RNF213: variants seen among roughly 807,000 people sequenced by gnomAD.
The protein encoded by RNF213 is E3 ubiquitin-protein ligase RNF213.
Under a neutral mutation model 514.4 loss-of-function variants are expected in RNF213, and 341 were observed. That is an observed-to-expected ratio of 0.66 (90% CI 0.61 to 0.73). The LOEUF is 0.73. Among genes scored for constraint, RNF213 ranks in the 30% least tolerant of loss-of-function variants. The probability of loss-of-function intolerance (pLI) is 0.00; values close to 1 mark genes in which losing one functional copy is unlikely to be tolerated. For missense variants in RNF213, 5,767 were observed against 6,615.6 expected, an observed-to-expected ratio of 0.87 and a Z score of 4.45; for synonymous variants, 2,655 against 2,658.2, an observed-to-expected ratio of 1.00 and a Z score of 0.04.
intron 16 of RNF213, among the ~76,000 whole-genome samples, chr17:80,318,931 CTA>C (rs2046043171): frequency 6.6e-6 from 1 of 152,126 alleles, no homozygotes; most frequent in East Asian, 1.9e-4. Context: ...GAAAAATGAC[CTA>C]TGTCTCATAA....
chr17:80,315,312 ATGG>A (rs1229025842), intron 15 of RNF213, among the ~76,000 whole-genome samples: 1 of 19,100 alleles, frequency 5.2e-5, no homozygotes, highest in Admixed American at 6.6e-4. Flanking sequence ...AATGGAGGTG[ATGG>A]TGGTGGTGGT....
rs371439947 is a variant in RNF213, at chr17:80,337,691, A to G, written c.4633A>G (p.Ile1545Val). 7 of 1,537,196 alleles carry G rather than the reference A, an allele frequency of 4.6e-6. No individual in the cohort carries two copies. The African/African-American group carries it at 9.6e-5, about 21-fold the overall frequency. ...GGCCACGGCCATCAACCAAAGAGGC[A>G]TCTATGTGATCCAGGCGCCCAAAGG... ...TLATAINQRG[I>V]YVIQAPKGGQ... The change falls in exon 24 of 68, where the codon ATC becomes GTC. Residue 1545 changes from isoleucine to valine, a missense_variant. Coordinates refer to ENST00000582970, the MANE Select transcript of RNF213 (RefSeq NM_001256071.3).
chr17:80,372,892 C>G (rs112328633), intron 48 of RNF213, 83 bp from the exon 49 acceptor site: 1 of 1,457,500 alleles, frequency 6.9e-7, no homozygotes, highest in Non-Finnish European at 9.4e-7. Context: ...TGGGTAGGTC[C>G]GATGCCCTCT....
rs2078263617 is a variant in RNF213 at position 80,345,036 on chromosome 17, T to C, written c.6701T>C (p.Phe2234Ser). Residue 2234 changes from phenylalanine to serine, a missense_variant, in exon 29 of 68, where the codon TTC (phenylalanine) becomes TCC (serine). Phe to Ser is a radical substitution (Grantham distance 155). Around this residue, in one of 13 missense-constraint regions of RNF213, gnomAD observed 1,377 missense variants for 1,635.2 expected, o/e 0.84. Coordinates refer to ENST00000582970, the MANE Select transcript of RNF213 (RefSeq NM_001256071.3). The surrounding 1 kb of genome is among the most constrained non-coding windows in gnomAD (Gnocchi z 6.0). Reference protein sequence around the residue: ...YQLRDCEASLFCNPSFIGDTL... With the variant: ...YQLRDCEASLSCNPSFIGDTL... ...CTCAGAGATTGTGAGGCCTCTCTCT[T>C]CTGCAATCCGAGTTTTATTGGCGAC... 2 of 1,614,082 alleles carry C rather than the reference T, an allele frequency of 1.2e-6. No individual in the cohort carries two copies. The highest frequency in any genetic ancestry group is 2.2e-5 in the East Asian group (1 of 44,884).
At chr17:80,390,832 G>A (rs925074264) in intron 67 of RNF213, among the ~76,000 whole-genome samples, 2 of 152,114 alleles carry the variant, frequency 1.3e-5, no homozygotes, top group Admixed American at 1.3e-4. Context: ...GGAGGCCGAG[G>A]TGGGTGGATC....
chr17:80,354,595 G>A lies in RNF213; in HGVS notation c.10862+19G>A, dbSNP rs1436404240. ...CATTCAGGTACTGTGACTAAAGGAA[G>A]CAAGGAGTGGCTCCAATCTGGTGGC... On this transcript the variant is annotated intron_variant, in intron 36 of 67. Transcript: ENST00000582970. 1.1e-5 allele frequency: 18 copies of A among 1,613,968 alleles called. No individual in the cohort carries two copies. In the East Asian group the frequency reaches 2.2e-4, roughly 20 times the overall value.
At chr17:80,297,905 G>A (rs561338829) in intron 10 of RNF213, among the ~76,000 whole-genome samples, 3 of 152,128 alleles carry the variant, frequency 2.0e-5, no homozygotes, top group South Asian at 2.1e-4. Context: ...TATAATGATC[G>A]CACCACCGCG....
At chr17:80,294,617 A>G in intron 8 of RNF213, 103 bp from the exon 9 acceptor site, 1 of 1,383,156 alleles carries the variant, frequency 7.2e-7, no homozygotes, top group Non-Finnish European at 1.0e-6. Context: ...TGCCCCATTT[A>G]CTCCATATCT....
chr17:80,286,343 T>C (rs2044471733), intron 3 of RNF213, among the ~76,000 whole-genome samples: 1 of 152,032 alleles, frequency 6.6e-6, no homozygotes, highest in Non-Finnish European at 1.5e-5. Flanking sequence ...CCTCTGAATT[T>C]AAAAAGGAGG....
chr17:80,385,324 C>T (rs1222299911), intron 60 of RNF213, among the ~76,000 whole-genome samples, 153 bp downstream of exon 60: 1 of 152,128 alleles, frequency 6.6e-6, no homozygotes, highest in East Asian at 1.9e-4. Context: ...GTGCTTGAAC[C>T]CCAAAAACAT....
chr17:80,280,809 T>G (rs560345611), intron 3 of RNF213, among the ~76,000 whole-genome samples: 5 of 152,228 alleles, frequency 3.3e-5, no homozygotes, highest in African/African-American at 1.2e-4. Context: ...GTGAGGATAC[T>G]TAACAGATGT....
chr17:80,346,613 G>C lies in RNF213; in HGVS notation c.8278G>C (p.Glu2760Gln), dbSNP rs149749020. ...CGTCTTCATGATGGTCGTCTGCATC[G>C]AGCTGAAGATTCCCCTCTTCCTGGT... The part of the protein sequence containing the change: ...ENVFMMVVCI[E>Q]LKIPLFLVGK... The change falls in exon 29 of 68, where the codon GAG becomes CAG. Residue 2760 changes from glutamate to glutamine, a missense_variant. This residue lies in a region of RNF213 where 105 missense variants were observed against 183.9 expected (regional missense o/e 0.57). Transcript: ENST00000582970. This position sits in a 1 kb window ranked among gnomAD's most constrained non-coding sequence, Gnocchi z 8.1. 3.1e-6 allele frequency: 5 copies of C among 1,612,940 alleles called. No individual in the cohort carries two copies. In the South Asian group the frequency reaches 4.4e-5, roughly 14 times the overall value.
intron 3 of RNF213, among the ~76,000 whole-genome samples, chr17:80,285,904 G>C (rs896911141): frequency 1.3e-5 from 2 of 152,128 alleles, no homozygotes; most frequent in African/African-American, 4.8e-5. Context: ...GCGAACTCCT[G>C]ACCTCCAGTG....
Position 80,287,833 on chromosome 17 carries a change from AAGAAG to A in RNF213, c.282_286del (p.Lys96GlufsTer64). ...TGTTTAGAGCAAAAAGAAGAAAAGGAAGAAGAAAAAGAAGGGGAACAAGTCCGCTT... is the reference window on the plus strand; with the variant it reads ...TGTTTAGAGCAAAAAGAAGAAAAGGAAAAAAGAAGGGGAACAAGTCCGCTT... On this transcript the variant is annotated frameshift_variant, in exon 4 of 68. Transcript: ENST00000582970. LOFTEE classifies it high-confidence loss of function. 6.2e-7 allele frequency: 1 copy of A among 1,611,758 alleles called. No individual in the cohort carries two copies. The highest frequency in any genetic ancestry group is 8.5e-7 in the Non-Finnish European group (1 of 1,178,756).
chr17:80,372,298 A>T (rs1161185579), intron 47 of RNF213, among the ~76,000 whole-genome samples: 1 of 152,138 alleles, frequency 6.6e-6, no homozygotes, highest in East Asian at 1.9e-4. Context: ...AATGTAAATA[A>T]ATTAGATAAT....
intron 9 of RNF213, 149 bp from the exon 10 acceptor site, chr17:80,295,408 G>A: frequency 1.0e-6 from 1 of 987,676 alleles, no homozygotes; most frequent in Non-Finnish European, 1.5e-6. Context: ...GGTCTTGGCT[G>A]CACTGCAGCT....
rs976530405 is a variant in RNF213, at chr17:80,263,855, G to A, written c.97+77G>A. 21 of 1,285,500 alleles carry A rather than the reference G, an allele frequency of 1.6e-5. No individual in the cohort carries two copies. In the African/African-American group the frequency reaches 2.2e-4, roughly 13 times the overall value. 79.6% of individuals were successfully genotyped at this position (1,285,500 alleles called of 1,614,324 possible). A position where few individuals can be genotyped will look rare whatever the true frequency, so the allele number is the denominator to read the frequency against. On this transcript the variant is annotated intron_variant, in intron 2 of 67. Transcript: ENST00000582970. This position sits in a 1 kb window ranked among gnomAD's most constrained non-coding sequence, Gnocchi z 4.9. ...TGTCTCACCTCCCTTCCAGGAAATG[G>A]AAACCCTGGGCAGCAGGCAGCTCAG...
chr17:80,311,915 T>TTAGGA (rs920010785), intron 14 of RNF213, among the ~76,000 whole-genome samples: 1 of 151,866 alleles, frequency 6.6e-6, no homozygotes, highest in Non-Finnish European at 1.5e-5. Flanking sequence ...TAACCAGAGG[T>TTAGGA]TAGGAGTTCG....
chr17:80,263,654 G>A lies in RNF213; in HGVS notation c.-28G>A. The A allele has an allele frequency of 1.3e-6, 2 of 1,598,568 alleles. No homozygotes were observed. The highest frequency in any genetic ancestry group is 1.7e-6 in the Non-Finnish European group (2 of 1,165,892). On this transcript the variant is annotated 5_prime_UTR_variant, in exon 2 of 68. Transcript: ENST00000582970. The surrounding 1 kb of genome is among the most constrained non-coding windows in gnomAD (Gnocchi z 4.9). ...CCAGCGACTCCTGCTCTTGCTTCTG[G>A]ATCTGCAGGGCAGTCCCAGCAGGAC...
Sources: allele counts gnomAD v4.1 joint callset (sites outside exome capture counted in the v4.1 genomes callset), GRCh38; gene constraint gnomAD v4.1.1; regional missense constraint gnomAD v4.1.1; non-coding constraint Gnocchi (gnomAD v3.1); transcripts MANE v1.5; gene names NCBI Gene and HGNC (gene_info 2026-07-23, HGNC 2026-07-21).